AGBL4: variants seen among roughly 807,000 people sequenced by gnomAD.
AGBL4 encodes the protein AGBL carboxypeptidase 4.
AGBL4 carries 58 observed loss-of-function variants against 66.4 expected under a neutral mutation model. That is an observed-to-expected ratio of 0.87 (90% CI 0.71 to 1.09). The LOEUF is 1.09. Among genes scored for constraint, AGBL4 ranks in the 50% least tolerant of loss-of-function variants. The pLI is 0.00. For missense variants in AGBL4, 579 were observed against 631.0 expected, an observed-to-expected ratio of 0.92 and a Z score of 0.88; for synonymous variants, 234 against 222.9, an observed-to-expected ratio of 1.05 and a Z score of -0.44.
intron 2 of AGBL4, among the ~76,000 whole-genome samples, chr1:49,799,008 A>G (rs2147943793): frequency 6.6e-6 from 1 of 152,282 alleles, no homozygotes; most frequent in African/African-American, 2.4e-5. Context: ...CTAGTATACC[A>G]TCCACTCTCC....
At chr1:49,080,585 C>G (rs1023263368) in intron 4 of AGBL4, among the ~76,000 whole-genome samples, 1 of 151,988 alleles carries the variant, frequency 6.6e-6, no homozygotes, top group Non-Finnish European at 1.5e-5. Flanking sequence ...TACAGGTCAG[C>G]CTTGGGGCAG....
At chr1:49,804,508 C>T (rs1644933488) in intron 2 of AGBL4, among the ~76,000 whole-genome samples, 1 of 152,210 alleles carries the variant, frequency 6.6e-6, no homozygotes. Flanking sequence ...ATAATTTCAC[C>T]TATATGCAAG....
intron 5 of AGBL4, among the ~76,000 whole-genome samples, chr1:48,966,805 A>C (rs911866508): frequency 2.0e-5 from 3 of 152,098 alleles, no homozygotes; most frequent in Non-Finnish European, 4.4e-5. Context: ...GTTTAAAGGC[A>C]TCTTACACAA....
chr1:49,498,418 G>A (rs1467980054), intron 3 of AGBL4, among the ~76,000 whole-genome samples: 3 of 151,862 alleles, frequency 2.0e-5, no homozygotes, highest in Admixed American at 2.0e-4. Flanking sequence ...GCAAGAGTGA[G>A]ATTATGCAGT....
chr1:49,945,395 A>C (rs1159449424), intron 1 of AGBL4, among the ~76,000 whole-genome samples: 2 of 152,068 alleles, frequency 1.3e-5, no homozygotes, highest in Non-Finnish European at 2.9e-5. Context: ...AGCTAGAGGA[A>C]ATTGGAGCCC....
chr1:48,978,103 A>G (rs1336495311), intron 5 of AGBL4, among the ~76,000 whole-genome samples: 3 of 152,182 alleles, frequency 2.0e-5, no homozygotes, highest in Admixed American at 6.5e-5. Context: ...ATTTATGCAT[A>G]TGAAAATTAG....
At chr1:49,307,278 T>A (rs561979932) in intron 3 of AGBL4, among the ~76,000 whole-genome samples, 1 of 152,198 alleles carries the variant, frequency 6.6e-6, no homozygotes, top group East Asian at 1.9e-4. Flanking sequence ...GAAGATCCAG[T>A]TCAGTCTATT....
chr1:48,561,700 C>T (rs1379134873), intron 11 of AGBL4, among the ~76,000 whole-genome samples: 1 of 152,200 alleles, frequency 6.6e-6, no homozygotes, highest in Non-Finnish European at 1.5e-5. Context: ...TGCCTCCTGA[C>T]TACTTGAGCT....
At chr1:49,618,024 G>T (rs1056635057) in intron 3 of AGBL4, among the ~76,000 whole-genome samples, 1 of 152,014 alleles carries the variant, frequency 6.6e-6, no homozygotes, top group African/African-American at 2.4e-5. Context: ...CACCCGACAC[G>T]CCCTGGTGTG....
At chr1:49,604,200 A>G (rs1268261612) in intron 3 of AGBL4, among the ~76,000 whole-genome samples, 2 of 152,184 alleles carry the variant, frequency 1.3e-5, no homozygotes, top group Non-Finnish European at 2.9e-5. Context: ...CCGGGAGTGT[A>G]TAAGTGTTCC....
intron 3 of AGBL4, among the ~76,000 whole-genome samples, chr1:49,486,116 C>G (rs1647061099): frequency 6.6e-6 from 1 of 151,892 alleles, no homozygotes; most frequent in Non-Finnish European, 1.5e-5. Context: ...CCTCTTCTCA[C>G]ACTGCTTCAA....
At chr1:48,989,924 A>G (rs139251067) in intron 5 of AGBL4, among the ~76,000 whole-genome samples, 1 of 152,234 alleles carries the variant, frequency 6.6e-6, no homozygotes, top group East Asian at 1.9e-4. Flanking sequence ...ATCATATGGT[A>G]GCTCTATTTT....
chr1:49,244,380 G>T lies in AGBL4; in HGVS notation c.377+1390C>A, dbSNP rs188496837. 4.4e-4 allele frequency among the ~76,000 whole-genome samples: 67 copies of T among 151,822 alleles called. 1 individual carries two copies. The highest frequency in any genetic ancestry group is 1.5e-3 in the African/African-American group (62 of 41,522). On this transcript the variant is annotated intron_variant, in intron 4 of 13. Coordinates refer to ENST00000371839, the MANE Select transcript of AGBL4 (RefSeq NM_032785.4). ...AAAGCAAAGGCCTACCCCTTGCCCA[G>T]AAAGACTGAGAGAAGGAGCAGCAGA... is the stretch of plus-strand genomic sequence containing the variant.
chr1:49,384,312 G>A (rs755815588), intron 3 of AGBL4, among the ~76,000 whole-genome samples: 11 of 151,938 alleles, frequency 7.2e-5, no homozygotes, highest in South Asian at 4.2e-4. Context: ...AAAAATGGGC[G>A]GCTGGGCTCG....
chr1:48,682,470 A>G (rs6691141), intron 6 of AGBL4, among the ~76,000 whole-genome samples: 10,902 of 150,582 alleles, frequency 0.072, 1,346 homozygotes, highest in African/African-American at 0.25. Context: ...GTGCAGAGGC[A>G]TGATCATGGC....
At chr1:49,099,798 GAA>G (rs1645168426) in intron 4 of AGBL4, among the ~76,000 whole-genome samples, 1 of 152,122 alleles carries the variant, frequency 6.6e-6, no homozygotes, top group African/African-American at 2.4e-5. Context: ...TGTTAGAGAT[GAA>G]AGTCAAACTG....
chr1:48,618,617 C>G (rs1187411853), intron 9 of AGBL4, among the ~76,000 whole-genome samples: 1 of 152,172 alleles, frequency 6.6e-6, no homozygotes, highest in Admixed American at 6.5e-5. Context: ...ATTATTAATC[C>G]AAGGTCAAAA....
chr1:49,915,842 G>A (rs914250080), intron 1 of AGBL4, among the ~76,000 whole-genome samples: 3 of 152,120 alleles, frequency 2.0e-5, no homozygotes, highest in Non-Finnish European at 4.4e-5. Flanking sequence ...CCTAATAGGG[G>A]CAGACTGACA....
At chr1:48,647,211 G>C (rs1014976679) in intron 8 of AGBL4, among the ~76,000 whole-genome samples, 1 of 152,170 alleles carries the variant, frequency 6.6e-6, no homozygotes, top group Non-Finnish European at 1.5e-5. Flanking sequence ...CTATAACGCA[G>C]AATCATTTCT....
Sources: gnomAD v4.1 joint callset for allele counts (sites outside exome capture counted in the v4.1 genomes callset) on GRCh38, gnomAD v4.1.1 for gene constraint, MANE v1.5 for transcripts, NCBI Gene and HGNC (gene_info 2026-07-23, HGNC 2026-07-21) for gene names.